Variants in STAM2 observed in about 807,000 individuals in gnomAD.
STAM2 encodes signal transducing adapter molecule 2.
A neutral mutation model predicts 65.6 loss-of-function variants in STAM2; 51 were observed. The observed-to-expected ratio is 0.78, with a 90% CI of 0.62 to 0.98. The LOEUF (loss-of-function observed/expected upper bound fraction) is 0.98, where lower values mean the gene tolerates loss of function less well. Among genes scored for constraint, STAM2 ranks in the 50% least tolerant of loss-of-function variants. STAM2 has a pLI of 0.00. For missense variants in STAM2, 584 were observed against 617.8 expected, an observed-to-expected ratio of 0.95 and a Z score of 0.58; for synonymous variants, 198 against 208.4, an observed-to-expected ratio of 0.95 and a Z score of 0.43.
rs764965275 is a variant in STAM2 at position 152,126,303 on chromosome 2, C to G, written c.1102G>C (p.Ala368Pro). Residue 368 changes from alanine to proline, a missense_variant, in exon 12 of 14, where the codon GCA becomes CCA. By Grantham distance (27) the Ala-to-Pro change is conservative. Coordinates refer to ENST00000263904, the MANE Select transcript of STAM2 (RefSeq NM_005843.6). ...LELYNKLVNE[A>P]PVYSVYSKLH... Reference sequence around the variant, plus strand: ...TTTGAATAGACTGAGTACACTGGTGCTTCATTCACCAATTTGTTATATAGT... The same window carrying G: ...TTTGAATAGACTGAGTACACTGGTGGTTCATTCACCAATTTGTTATATAGT... 6.2e-6 allele frequency: 10 copies of G among 1,607,038 alleles called. No individual in the cohort carries two copies. The East Asian group carries it at 2.0e-4, about 33-fold the overall frequency.
chr2:152,168,487 G>A (rs1689837457), intron 1 of STAM2, among the ~76,000 whole-genome samples: 1 of 151,942 alleles, frequency 6.6e-6, no homozygotes, highest in African/African-American at 2.4e-5. Context: ...ACACCTCTGA[G>A]GTCCTTTATT....
At chr2:152,134,467 G>A (rs1030862421) in intron 8 of STAM2, among the ~76,000 whole-genome samples, 2 of 152,162 alleles carry the variant, frequency 1.3e-5, no homozygotes, top group Admixed American at 6.5e-5. Flanking sequence ...TCAAATCAGT[G>A]AGTATCAACC....
At chr2:152,127,009 G>T (rs569978466) in intron 11 of STAM2, among the ~76,000 whole-genome samples, 111 of 152,250 alleles carry the variant, frequency 7.3e-4, no homozygotes, top group African/African-American at 2.6e-3. Flanking sequence ...CAATCAGACT[G>T]ATTGTGAGCT....
chr2:152,135,832 A>C (rs1579316724), intron 7 of STAM2, among the ~76,000 whole-genome samples: 1 of 152,176 alleles, frequency 6.6e-6, no homozygotes, highest in South Asian at 2.1e-4. Flanking sequence ...GCTCACGCCT[A>C]TAATCCCAAC....
In STAM2 at chr2:152,130,543, G is replaced by A. The variant is rs1055354449; in HGVS notation, c.1025+1571C>T. 3.3e-5 allele frequency among the ~76,000 whole-genome samples: 5 copies of A among 151,580 alleles called. No individual in the cohort carries two copies. In the South Asian group the frequency reaches 6.3e-4, roughly 19 times the overall value. ...TGGGATTACAGGCTTGAGCCACTGC[G>A]CCTGGCCGCTCCTATTTTTAAAGGA... On this transcript the variant is annotated intron_variant, in intron 11 of 13. Transcript: ENST00000263904.
At chr2:152,155,785 T>C (rs1268330027) in intron 1 of STAM2, among the ~76,000 whole-genome samples, 1 of 152,234 alleles carries the variant, frequency 6.6e-6, no homozygotes, top group East Asian at 1.9e-4. Context: ...CTTTTCTGTA[T>C]ATTATTCCCC....
intron 1 of STAM2, among the ~76,000 whole-genome samples, chr2:152,167,620 C>T (rs989000836): frequency 1.6e-4 from 24 of 152,124 alleles, no homozygotes; most frequent in African/African-American, 5.8e-4. Flanking sequence ...TTAGGCCAGG[C>T]ATGGTGGCTC....
intron 7 of STAM2, 46 bp downstream of exon 7, chr2:152,143,781 T>A (rs1560216116): frequency 6.9e-7 from 1 of 1,441,690 alleles, no homozygotes; most frequent in East Asian, 2.3e-5. Flanking sequence ...GATTCTAAAT[T>A]AAGGGCATTA....
chr2:152,166,798 T>A (rs547420302), intron 1 of STAM2, among the ~76,000 whole-genome samples: 1 of 152,210 alleles, frequency 6.6e-6, no homozygotes, highest in Non-Finnish European at 1.5e-5. Context: ...AAGGTTAAGA[T>A]AATTCATCCC....
chr2:152,139,814 T>A (rs1486194117), intron 7 of STAM2, among the ~76,000 whole-genome samples: 1 of 152,146 alleles, frequency 6.6e-6, no homozygotes, highest in South Asian at 2.1e-4. Flanking sequence ...AAAGTATTCA[T>A]GAAAGATAAA....
intron 2 of STAM2, among the ~76,000 whole-genome samples, chr2:152,149,567 G>A (rs1340137305): frequency 3.4e-5 from 5 of 148,958 alleles, no homozygotes; most frequent in Non-Finnish European, 5.9e-5. Context: ...GTGCCATCTC[G>A]GCTCACTGCA....
At chr2:152,128,900 T>G (rs1158630519) in intron 11 of STAM2, among the ~76,000 whole-genome samples, 1 of 152,212 alleles carries the variant, frequency 6.6e-6, no homozygotes, top group Non-Finnish European at 1.5e-5. Flanking sequence ...ATAACAAACA[T>G]GATCCATTCA....
chr2:152,122,372 C>T (rs1688871948), intron 13 of STAM2, among the ~76,000 whole-genome samples: 1 of 151,998 alleles, frequency 6.6e-6, no homozygotes, highest in Non-Finnish European at 1.5e-5. Flanking sequence ...CTGCAGTGAA[C>T]TATGATCACA....
At chr2:152,122,013 A>T (rs1560208217) in intron 13 of STAM2, among the ~76,000 whole-genome samples, 1 of 150,334 alleles carries the variant, frequency 6.7e-6, no homozygotes, top group African/African-American at 2.5e-5. Flanking sequence ...ATGCTGCTGC[A>T]CTCCAGCCTG....
In STAM2 at chr2:152,175,723, G is replaced by A. The variant is rs1291790039; in HGVS notation, c.-81C>T. ...ACCCGCCGGGTGACCCGCGGCCGCG[G>A]CTCCCTAGACCGCTCCGCTTCGGCC... is the stretch of plus-strand genomic sequence containing the variant. On this transcript the variant is annotated 5_prime_UTR_variant, in exon 1 of 14. Coordinates refer to ENST00000263904, the MANE Select transcript of STAM2 (RefSeq NM_005843.6). 22 of 1,493,628 alleles carry A rather than the reference G, an allele frequency of 1.5e-5. No individual in the cohort carries two copies. In the East Asian group the frequency reaches 1.7e-4, roughly 12 times the overall value. 92.5% of individuals were successfully genotyped at this position (1,493,628 alleles called of 1,614,324 possible).
intron 5 of STAM2, among the ~76,000 whole-genome samples, chr2:152,145,239 T>A (rs1689317206): frequency 6.6e-6 from 1 of 152,082 alleles, no homozygotes; most frequent in African/African-American, 2.4e-5. Context: ...ACCGGCTAAT[T>A]TTTATTTTTT....
Position 152,152,556 on chromosome 2 carries a change from A to T in STAM2, c.41-2327T>A, listed in dbSNP as rs923009182. Among the ~76,000 whole-genome samples, 9 of 142,428 alleles carry T rather than the reference A, an allele frequency of 6.3e-5. No individual in the cohort carries two copies. The Admixed American group carries it at 6.7e-4, about 11-fold the overall frequency. 93.4% of individuals were successfully genotyped at this position (142,428 alleles called of 152,430 possible). On this transcript the variant is annotated intron_variant, in intron 1 of 13. Transcript: ENST00000263904. Reference sequence around the variant, plus strand: ...AGAGTGAGACTCTGTCTCAAAAAAAAACAACAAAAAAAAAACTTTCTGGCT... The same window carrying T: ...AGAGTGAGACTCTGTCTCAAAAAAATACAACAAAAAAAAAACTTTCTGGCT...
chr2:152,175,720 G>C lies in STAM2; in HGVS notation c.-78C>G. On this transcript the variant is annotated 5_prime_UTR_variant, in exon 1 of 14. Coordinates refer to ENST00000263904, the MANE Select transcript of STAM2 (RefSeq NM_005843.6). ...GCTACCCGCCGGGTGACCCGCGGCC[G>C]CGGCTCCCTAGACCGCTCCGCTTCG... 2.0e-6 allele frequency: 3 copies of C among 1,505,744 alleles called. No homozygotes were observed. The highest frequency in any genetic ancestry group is 2.4e-5 in the South Asian group (2 of 84,062). The allele number at this position is 1,505,744 out of a possible 1,614,324, so 93.3% of individuals were successfully genotyped here. A position where few individuals can be genotyped will look rare whatever the true frequency, so the allele number is the denominator to read the frequency against.
chr2:152,120,789 T>A lies in STAM2; in HGVS notation c.1363A>T (p.Thr455Ser), dbSNP rs1291518022. 6 of 1,614,068 alleles carry A rather than the reference T, an allele frequency of 3.7e-6. No homozygotes were observed. The highest frequency in any genetic ancestry group is 5.1e-6 in the Non-Finnish European group (6 of 1,179,944). Residue 455 changes from threonine (T) to serine (S), a missense_variant, in exon 14 of 14, where the codon ACT (threonine) becomes TCT (serine). Coordinates refer to ENST00000263904, the MANE Select transcript of STAM2 (RefSeq NM_005843.6). ...QTSYLSTGQD[T>S]VSNPTYMNQN... Reference sequence around the variant, plus strand: ...TTCATATAAGTAGGATTGGAAACAGTGTCTTGTCCAGTGCTACAAACAAAA... The same window carrying A: ...TTCATATAAGTAGGATTGGAAACAGAGTCTTGTCCAGTGCTACAAACAAAA...
Sources: allele counts gnomAD v4.1 joint callset (sites outside exome capture counted in the v4.1 genomes callset), GRCh38; gene constraint gnomAD v4.1.1; transcripts MANE v1.5; gene names NCBI Gene and HGNC (gene_info 2026-07-23, HGNC 2026-07-21).